The following RTF1 variants were observed in gnomAD, a reference collection of about 807,000 sequenced individuals.
RTF1 encodes the protein RNA polymerase-associated protein RTF1 homolog.
RTF1 carries 10 observed loss-of-function variants against 95.7 expected under a neutral mutation model. The observed-to-expected ratio is 0.10, with a 90% CI of 0.06 to 0.18. The LOEUF (loss-of-function observed/expected upper bound fraction) is 0.18. RTF1 is among the 10% of genes least tolerant of loss of function. The pLI, the probability that RTF1 is intolerant of heterozygous loss-of-function variation, is 1.00. For missense variants in RTF1, 458 were observed against 875.6 expected (o/e 0.52, Z 6.02); for synonymous variants, 305 against 311.8 (o/e 0.98, Z 0.23).
intron 1 of RTF1, among the ~76,000 whole-genome samples, chr15:41,435,773 A>G (rs1319639457): frequency 6.6e-6 from 1 of 152,222 alleles, no homozygotes; most frequent in East Asian, 1.9e-4. Flanking sequence ...CTATTATTTT[A>G]CAGTCTGTCT....
At chr15:41,455,182 T>C (rs1470804294) in intron 3 of RTF1, among the ~76,000 whole-genome samples, 4 of 151,842 alleles carry the variant, frequency 2.6e-5, no homozygotes, top group Non-Finnish European at 5.9e-5. Flanking sequence ...AGCATGGTGG[T>C]GCCTACCTGT....
chr15:41,446,952 AC>A (rs898168218), intron 2 of RTF1, among the ~76,000 whole-genome samples: 1 of 151,802 alleles, frequency 6.6e-6, no homozygotes, highest in African/African-American at 2.4e-5. Context: ...ATAGGCGCCC[AC>A]CACCAGGCCT....
chr15:41,476,053 A>G (rs1032023104), intron 11 of RTF1, among the ~76,000 whole-genome samples: 8 of 152,212 alleles, frequency 5.3e-5, no homozygotes, highest in Non-Finnish European at 8.8e-5. Context: ...GAGACAACAA[A>G]TGAGGCTACA....
chr15:41,480,333 AG>A lies in RTF1; in HGVS notation c.2026+11del. The A allele has an allele frequency of 1.3e-6, 2 of 1,516,538 alleles. No individual in the cohort carries two copies. The highest frequency in any genetic ancestry group is 1.8e-6 in the Non-Finnish European group (2 of 1,091,602). The allele number at this position is 1,516,538 out of a possible 1,614,324, so 93.9% of individuals were successfully genotyped here. On this transcript the variant is annotated intron_variant, in intron 17 of 17. Transcript: ENST00000389629. ...TACAAGTTCCCAGCTCAGGTATGTG[AG>A]GGTGGGGCGGGTGGTGAGGGCTGAG...
At chr15:41,460,337 G>T (rs1170481553) in intron 4 of RTF1, among the ~76,000 whole-genome samples, 1 of 151,812 alleles carries the variant, frequency 6.6e-6, no homozygotes, top group Non-Finnish European at 1.5e-5. Flanking sequence ...TGGCCAGGCT[G>T]GTCTCAAACT....
At chr15:41,418,608 C>T (rs955517577) in intron 1 of RTF1, among the ~76,000 whole-genome samples, 5 of 151,828 alleles carry the variant, frequency 3.3e-5, no homozygotes, top group Admixed American at 2.0e-4. Context: ...GTCGGGAGTT[C>T]GAGACCAGCC....
chr15:41,431,803 C>CT (rs112428098), intron 1 of RTF1, among the ~76,000 whole-genome samples: 2,650 of 143,966 alleles, frequency 0.018, 76 homozygotes, highest in African/African-American at 0.059. Context: ...CTGGCTCATA[C>CT]TTTTTTTTTT....
At chr15:41,426,156 C>T (rs368783714) in intron 1 of RTF1, among the ~76,000 whole-genome samples, 20 of 151,920 alleles carry the variant, frequency 1.3e-4, no homozygotes, top group Admixed American at 7.2e-4. Flanking sequence ...GGTGGAGTCT[C>T]GCTCTGTTGC....
chr15:41,444,595 G>A (rs918615456), intron 2 of RTF1, among the ~76,000 whole-genome samples: 6 of 151,978 alleles, frequency 3.9e-5, no homozygotes, highest in Admixed American at 2.0e-4. Context: ...CGGCCGGCCC[G>A]TTAGATATTA....
At chr15:41,422,338 T>A (rs1268665120) in intron 1 of RTF1, among the ~76,000 whole-genome samples, 2 of 152,194 alleles carry the variant, frequency 1.3e-5, no homozygotes, top group African/African-American at 2.4e-5. Context: ...GTTTGAAAGC[T>A]TTTCTTTTAG....
chr15:41,453,023 A>C lies in RTF1; in HGVS notation c.432A>C (p.Ser144=). Reference sequence around the variant, plus strand: ...CAGGCAGTTCAGACAAAGACAGTTCAGCTGAGAGCTCAGCCCCTGAGGAAG... The same window carrying C: ...CAGGCAGTTCAGACAAAGACAGTTCCGCTGAGAGCTCAGCCCCTGAGGAAG... ...ASSGSSDKDS[S]AESSAPEEGE... is the part of the protein sequence containing the mutation. Residue 144 remains serine (S), a synonymous_variant, in exon 3 of 18, where the codon TCA becomes TCC. Transcript: ENST00000389629. The C allele has an allele frequency of 6.2e-7, 1 of 1,604,418 alleles. No individual in the cohort carries two copies.
chr15:41,471,704 A>G (rs2050912421), intron 8 of RTF1, among the ~76,000 whole-genome samples: 1 of 152,126 alleles, frequency 6.6e-6, no homozygotes, highest in African/African-American at 2.4e-5. Context: ...CATGTTGCAT[A>G]CCAAGTGACT....
At chr15:41,434,536 A>T (rs2050692143) in intron 1 of RTF1, among the ~76,000 whole-genome samples, 1 of 152,026 alleles carries the variant, frequency 6.6e-6, no homozygotes, top group Non-Finnish European at 1.5e-5. Flanking sequence ...ATGTATAAAG[A>T]TGAGAGAATT....
At chr15:41,429,133 C>A (rs950646886) in intron 1 of RTF1, among the ~76,000 whole-genome samples, 1 of 152,004 alleles carries the variant, frequency 6.6e-6, no homozygotes. Flanking sequence ...CTTCCTCCTA[C>A]CTTGGCCTCC....
Position 41,480,915 on chromosome 15 carries a change from G to A in RTF1, c.*228G>A. On this transcript the variant is annotated 3_prime_UTR_variant, in exon 18 of 18. Transcript: ENST00000389629. ...CCAGGGCCCCACCCAGTGTGGGCCT[G>A]GGCTCTCTTGGGCTTTATCCATGTC... The A allele has an allele frequency of 1.8e-6, 1 of 543,980 alleles. No individual in the cohort carries two copies. The allele number at this position is 543,980 out of a possible 1,614,324, so 33.7% of individuals were successfully genotyped here.
At chr15:41,453,840 A>T (rs757257763) in intron 3 of RTF1, among the ~76,000 whole-genome samples, 1 of 152,204 alleles carries the variant, frequency 6.6e-6, no homozygotes, top group South Asian at 2.1e-4. Flanking sequence ...AAAAATTTTA[A>T]AAACATTTTT....
In RTF1 at chr15:41,483,164, C is replaced by G. The variant is rs186607310; in HGVS notation, c.*2477C>G. 6.5e-4 allele frequency: 100 copies of G among 152,684 alleles called. 1 individual carries two copies. Among genetic ancestry groups the G allele is most frequent in the African/African-American group, 2.3e-3 (94 of 41,538 alleles). The allele number at this position is 152,684 out of a possible 1,614,324, so 9.5% of individuals were successfully genotyped here. On this transcript the variant is annotated 3_prime_UTR_variant, in exon 18 of 18. Transcript: ENST00000389629. ...GACTTGTCTCCAATCTCAGCTGAGG[C>G]AGTGCCTCTGAACCAAGATCTTGGT...
intron 1 of RTF1, among the ~76,000 whole-genome samples, chr15:41,421,332 T>G (rs1045423186): frequency 2.0e-5 from 3 of 152,032 alleles, no homozygotes; most frequent in Non-Finnish European, 2.9e-5. Context: ...GGTGCTTGCC[T>G]GTAATCCCAG....
In RTF1 at chr15:41,478,645, AT is replaced by A; in HGVS notation, c.1818+24del. 6.3e-7 allele frequency: 1 copy of A among 1,591,636 alleles called. No homozygotes were observed. Among genetic ancestry groups the A allele is most frequent in the Non-Finnish European group, 8.6e-7 (1 of 1,159,686 alleles). ...TCTAATGTGAGTGCTGAAAGAGGAC[AT>A]TTTAGTCAGGACCTAGATTCTAGGA... On this transcript the variant is annotated intron_variant, in intron 15 of 17. Transcript: ENST00000389629.
Sources: allele counts gnomAD v4.1 joint callset (sites outside exome capture counted in the v4.1 genomes callset), GRCh38; gene constraint gnomAD v4.1.1; transcripts MANE v1.5; gene names NCBI Gene and HGNC (gene_info 2026-07-23, HGNC 2026-07-21).